ITPKB: variants seen among roughly 807,000 people sequenced by gnomAD.
ITPKB encodes inositol-trisphosphate 3-kinase B.
ITPKB carries 13 observed loss-of-function variants against 69.4 expected under a neutral mutation model. That is an observed-to-expected ratio of 0.19 (90% CI 0.12 to 0.30). The LOEUF (loss-of-function observed/expected upper bound fraction) is 0.30. Among genes scored for constraint, ITPKB ranks in the 10% least tolerant of loss-of-function variants. ITPKB has a pLI of 1.00. For missense variants in ITPKB, 1,240 were observed against 1,250.5 expected (o/e 0.99, Z 0.13); for synonymous variants, 584 against 513.7 (o/e 1.14, Z -1.85).
rs1657830790 is a variant in ITPKB, at chr1:226,737,453, A to C, written c.6T>G (p.Ala2=). 1.2e-6 allele frequency: 2 copies of C among 1,609,630 alleles called. No homozygotes were observed. The highest frequency in any genetic ancestry group is 1.7e-6 in the Non-Finnish European group (2 of 1,179,094). Residue 2 remains alanine, a synonymous_variant, in exon 2 of 8, where the codon GCT becomes GCG. Coordinates refer to ENST00000429204, the MANE Select transcript of ITPKB (RefSeq NM_002221.4). M[A]VYCYALNSLV... ...GGCTATTGAGCGCATAGCAGTACAC[A>C]GCCATAGTACTGGGTCCCGCGCTGC... is the stretch of plus-strand genomic sequence containing the variant.
intron 5 of ITPKB, among the ~76,000 whole-genome samples, chr1:226,640,996 C>T (rs996045482): frequency 6.6e-6 from 1 of 152,186 alleles, no homozygotes; most frequent in African/African-American, 2.4e-5. Flanking sequence ...ATGATGCAGA[C>T]CATGACTGGA....
At chr1:226,673,552 A>G (rs960478944) in intron 2 of ITPKB, among the ~76,000 whole-genome samples, 2 of 152,194 alleles carry the variant, frequency 1.3e-5, no homozygotes, top group Admixed American at 1.3e-4. Context: ...CCTGCAGCCA[A>G]AAAGTCTCAA....
chr1:226,634,558 G>A lies in ITPKB; in HGVS notation c.*113C>T. The stretch of plus-strand genomic sequence containing the variant: ...CTCCTCTTCTACAAAGTGTCTTGTA[G>A]TGCAGTTCAGGAGGGTCAGTCAGGT... On this transcript the variant is annotated 3_prime_UTR_variant, in exon 8 of 8. Transcript: ENST00000429204. The surrounding 1 kb of genome is among the most constrained non-coding windows in gnomAD (Gnocchi z 6.3). 1.6e-6 allele frequency: 1 copy of A among 628,340 alleles called. No individual in the cohort carries two copies. The highest frequency in any genetic ancestry group is 2.9e-6 in the Non-Finnish European group (1 of 342,808). 38.9% of individuals were successfully genotyped at this position (628,340 alleles called of 1,614,324 possible). A position where few individuals can be genotyped will look rare whatever the true frequency, so the allele number is the denominator to read the frequency against.
intron 2 of ITPKB, among the ~76,000 whole-genome samples, chr1:226,669,444 C>T (rs1186788274): frequency 3.9e-5 from 6 of 151,918 alleles, no homozygotes; most frequent in Non-Finnish European, 7.4e-5. Flanking sequence ...GCTAGATGCA[C>T]CACTGATTCA....
Position 226,692,616 on chromosome 1 carries a change from G to C in ITPKB, c.1932+42911C>G, listed in dbSNP as rs559717069. On this transcript the variant is annotated intron_variant, in intron 2 of 7. Coordinates refer to ENST00000429204, the MANE Select transcript of ITPKB (RefSeq NM_002221.4). ...TCCAAAGCCTCTGTCTTCCTCCAGA[G>C]AGCCTGGCAGTCTGTGTAATAAGTG... is the stretch of plus-strand genomic sequence containing the variant. Among the ~76,000 whole-genome samples, 58 of 152,260 alleles carry C rather than the reference G, an allele frequency of 3.8e-4. No individual in the cohort carries two copies. The South Asian group carries it at 8.1e-3, about 21-fold the overall frequency.
At chr1:226,698,471 T>C (rs1656549855) in intron 2 of ITPKB, among the ~76,000 whole-genome samples, 1 of 152,216 alleles carries the variant, frequency 6.6e-6, no homozygotes, top group African/African-American at 2.4e-5. Context: ...GCCTTCACGT[T>C]TCATTTTGCC....
In ITPKB at chr1:226,736,949, G is replaced by T; in HGVS notation, c.510C>A (p.Gly170=). The T allele has an allele frequency of 6.2e-7, 1 of 1,611,676 alleles. No homozygotes were observed. The highest frequency in any genetic ancestry group is 8.5e-7 in the Non-Finnish European group (1 of 1,179,968). The part of the protein sequence containing the change: ...AIQAPRSPRL[G]RARSPSPCPF... ...GGCACGGGGAGGGCGAGCGAGCCCT[G>T]CCCAAACGCGGGCTGCGGGGCGCTT... Residue 170 remains glycine (G), a synonymous_variant, in exon 2 of 8, where the codon GGC becomes GGA. Coordinates refer to ENST00000429204, the MANE Select transcript of ITPKB (RefSeq NM_002221.4).
At chr1:226,640,382 G>C (rs570535640) in intron 5 of ITPKB, among the ~76,000 whole-genome samples, 1 of 152,218 alleles carries the variant, frequency 6.6e-6, no homozygotes, top group African/African-American at 2.4e-5. Context: ...AGGCTGGAGA[G>C]TACTTCAGCT....
chr1:226,702,491 C>T (rs1179869736), intron 2 of ITPKB, among the ~76,000 whole-genome samples: 6 of 152,118 alleles, frequency 3.9e-5, no homozygotes, highest in African/African-American at 1.4e-4. Flanking sequence ...TGCAGCGCTG[C>T]CTATCCTCTT....
rs1657789547 is a variant in ITPKB, at chr1:226,736,794, C to T, written c.665G>A (p.Gly222Glu). The change falls in exon 2 of 8, where the codon GGG becomes GAG. Residue 222 changes from glycine (G) to glutamate (E), a missense_variant. Physicochemically the swap from Gly to Glu is moderately conservative, Grantham distance 98. Transcript: ENST00000429204. Reference sequence around the variant, plus strand: ...CACCTGCGAGGAGCATAGGCTGGGCCCTCCTTTCCTCCCGGAGTCGGTTCC... The same window carrying T: ...CACCTGCGAGGAGCATAGGCTGGGCTCTCCTTTCCTCCCGGAGTCGGTTCC... ...TSGTDSGRKG[G>E]PSLCSSQVKK... 1 of 1,613,086 alleles carries T rather than the reference C, an allele frequency of 6.2e-7. No homozygotes were observed. Among genetic ancestry groups the T allele is most frequent in the Non-Finnish European group, 8.5e-7 (1 of 1,180,014 alleles).
intron 6 of ITPKB, 128 bp downstream of exon 6, chr1:226,639,429 C>T: frequency 1.5e-6 from 1 of 689,070 alleles, no homozygotes; most frequent in Non-Finnish European, 2.6e-6. Flanking sequence ...CTACAGAGCC[C>T]TACGAACTCG....
Position 226,734,830 on chromosome 1 carries a change from G to A in ITPKB, c.1932+697C>T, listed in dbSNP as rs3768418. 9.8e-5 allele frequency among the ~76,000 whole-genome samples: 15 copies of A among 152,296 alleles called. No homozygotes were observed. The East Asian group carries it at 1.3e-3, about 14-fold the overall frequency. On this transcript the variant is annotated intron_variant, in intron 2 of 7. Transcript: ENST00000429204. ...ACATCCATTAGGAGGTACCTACTCC[G>A]GAGATAACACTCAGGTGCCTATGAT...
intron 2 of ITPKB, among the ~76,000 whole-genome samples, chr1:226,701,954 T>C (rs529090148): frequency 2.0e-5 from 3 of 152,250 alleles, no homozygotes; most frequent in Admixed American, 2.0e-4. Flanking sequence ...TCCCTCCTCC[T>C]TCCTCCCCTA....
In ITPKB at chr1:226,642,050, G is replaced by A. The variant is rs750503076; in HGVS notation, c.2322C>T (p.Ile774=). Residue 774 remains isoleucine (I), a synonymous_variant, in exon 5 of 8, where the codon ATC becomes ATT. Coordinates refer to ENST00000429204, the MANE Select transcript of ITPKB (RefSeq NM_002221.4). The surrounding 1 kb of genome is among the most constrained non-coding windows in gnomAD (Gnocchi z 6.4). ...CGGTGGGGGCCTCGGGGTCCACCTC[G>A]ATCATCTTCTGGTACATGTCCTTCC... ...SLRKDMYQKM[I]EVDPEAPTEE... is the part of the protein sequence containing the mutation. 9 of 1,614,048 alleles carry A rather than the reference G, an allele frequency of 5.6e-6. No individual in the cohort carries two copies. The highest frequency in any genetic ancestry group is 3.3e-5 in the South Asian group (3 of 91,092).
chr1:226,666,545 T>C (rs1669507037), intron 2 of ITPKB, among the ~76,000 whole-genome samples: 1 of 151,606 alleles, frequency 6.6e-6, no homozygotes, highest in Non-Finnish European at 1.5e-5. Flanking sequence ...ACAAATTCCA[T>C]GGGAGACCCT....
At chr1:226,714,336 T>C (rs1285189820) in intron 2 of ITPKB, among the ~76,000 whole-genome samples, 2 of 152,246 alleles carry the variant, frequency 1.3e-5, no homozygotes, top group Non-Finnish European at 2.9e-5. Context: ...CCAGATCAGG[T>C]ATGTGGCATG....
At chr1:226,713,044 C>G (rs1657009347) in intron 2 of ITPKB, among the ~76,000 whole-genome samples, 1 of 151,914 alleles carries the variant, frequency 6.6e-6, no homozygotes, top group African/African-American at 2.4e-5. Flanking sequence ...GCACACTTAC[C>G]CATATACACA....
chr1:226,647,121 G>C, intron 4 of ITPKB, 46 bp downstream of exon 4: 2 of 1,557,726 alleles, frequency 1.3e-6, no homozygotes, highest in Non-Finnish European at 8.9e-7. Flanking sequence ...CCTGCCATGT[G>C]GCTTGCACTG....
chr1:226,719,851 C>T (rs1438265151), intron 2 of ITPKB, among the ~76,000 whole-genome samples: 2 of 152,214 alleles, frequency 1.3e-5, no homozygotes, highest in Admixed American at 6.5e-5. Context: ...CCCTCTTTCC[C>T]GTGGGCAGAT....
Sources: gnomAD v4.1 joint callset for allele counts (sites outside exome capture counted in the v4.1 genomes callset) on GRCh38, gnomAD v4.1.1 for gene constraint, Gnocchi (gnomAD v3.1) non-coding constraint, MANE v1.5 for transcripts, NCBI Gene and HGNC (gene_info 2026-07-23, HGNC 2026-07-21) for gene names.